ALCAM: variants seen among roughly 807,000 people sequenced by gnomAD.
ALCAM encodes activated leukocyte cell adhesion molecule.
ALCAM carries 30 observed loss-of-function variants against 70.9 expected under a neutral mutation model. That is an observed-to-expected ratio of 0.42 (90% CI 0.32 to 0.57). The LOEUF (loss-of-function observed/expected upper bound fraction) is 0.57, where lower values mean the gene tolerates loss of function less well. ALCAM is among the 20% of genes least tolerant of loss of function. The pLI is 0.11. For missense variants in ALCAM, 591 were observed against 695.1 expected (o/e 0.85, Z 1.68); for synonymous variants, 249 against 242.5 (o/e 1.03, Z -0.25).
intron 15 of ALCAM, among the ~76,000 whole-genome samples, chr3:105,572,244 C>T (rs1421616556): frequency 1.3e-5 from 2 of 152,156 alleles, no homozygotes; most frequent in African/African-American, 2.4e-5. Context: ...GCCCCCCACC[C>T]CCTGACAGGC....
At chr3:105,536,783 A>G (rs1321435144) in intron 6 of ALCAM, among the ~76,000 whole-genome samples, 1 of 152,162 alleles carries the variant, frequency 6.6e-6, no homozygotes, top group African/African-American at 2.4e-5. Flanking sequence ...TGTAAGGGTA[A>G]AAGTCTTAGG....
intron 14 of ALCAM, among the ~76,000 whole-genome samples, chr3:105,555,059 G>A (rs1037950774): frequency 2.0e-5 from 3 of 151,964 alleles, no homozygotes; most frequent in Non-Finnish European, 4.4e-5. Flanking sequence ...ATAAATTTGT[G>A]TGTGTGTATG....
intron 1 of ALCAM, among the ~76,000 whole-genome samples, chr3:105,410,538 A>G (rs1936361090): frequency 6.6e-6 from 1 of 152,036 alleles, no homozygotes; most frequent in Non-Finnish European, 1.5e-5. Flanking sequence ...ATGAACCACC[A>G]TGTAATACCA....
At chr3:105,454,525 C>T (rs1937507127) in intron 1 of ALCAM, among the ~76,000 whole-genome samples, 1 of 151,984 alleles carries the variant, frequency 6.6e-6, no homozygotes, top group Admixed American at 6.6e-5. Flanking sequence ...GGAAGTTGAC[C>T]CTGAGTCGGT....
intron 1 of ALCAM, among the ~76,000 whole-genome samples, chr3:105,448,549 G>T (rs1937349439): frequency 6.6e-6 from 1 of 152,076 alleles, no homozygotes; most frequent in South Asian, 2.1e-4. Flanking sequence ...TTTTCCACAT[G>T]ACATCTGTGG....
At chr3:105,505,945 ACTTTAT>A (rs1462682794) in intron 1 of ALCAM, among the ~76,000 whole-genome samples, 1 of 152,140 alleles carries the variant, frequency 6.6e-6, no homozygotes, top group Non-Finnish European at 1.5e-5. Flanking sequence ...AATTTCCATA[ACTTTAT>A]CTTTCTGAAG....
chr3:105,384,636 T>A (rs1043213094), intron 1 of ALCAM, among the ~76,000 whole-genome samples: 2 of 151,540 alleles, frequency 1.3e-5, no homozygotes, highest in African/African-American at 4.8e-5. Context: ...AAAATACTTG[T>A]CCAGATAAAC....
At chr3:105,527,406 G>C (rs986775535) in intron 3 of ALCAM, among the ~76,000 whole-genome samples, 11 of 152,042 alleles carry the variant, frequency 7.2e-5, no homozygotes, top group Admixed American at 2.6e-4. Context: ...TCACCAGTCT[G>C]GGGCTAAGAT....
At chr3:105,442,965 GACTACAGGTC>G (rs1937209962) in intron 1 of ALCAM, among the ~76,000 whole-genome samples, 1 of 152,200 alleles carries the variant, frequency 6.6e-6, no homozygotes, top group Admixed American at 6.5e-5. Context: ...GAGTAGCTTG[GACTACAGGTC>G]ACCATGCCTG....
At chr3:105,390,809 G>T (rs566710937) in intron 1 of ALCAM, among the ~76,000 whole-genome samples, 1 of 151,776 alleles carries the variant, frequency 6.6e-6, no homozygotes, top group Non-Finnish European at 1.5e-5. Context: ...AATTTTCTGC[G>T]TATGGCTAGC....
In ALCAM at chr3:105,570,697, G is replaced by T. The variant is rs558373530; in HGVS notation, c.1665-1155G>T. On this transcript the variant is annotated intron_variant, in intron 14 of 15. Transcript: ENST00000306107. ...ACCCTATGACATCCTATAGACCAAT[G>T]AGAATGAACAATCTATAATCATATG... Among the ~76,000 whole-genome samples the T allele has an allele frequency of 1.2e-4, 18 of 152,254 alleles. No homozygotes were observed. In the South Asian group the frequency reaches 3.7e-3, roughly 32 times the overall value.
chr3:105,505,621 G>A (rs1939052608), intron 1 of ALCAM, among the ~76,000 whole-genome samples: 1 of 152,040 alleles, frequency 6.6e-6, no homozygotes. Flanking sequence ...GAATTAATAC[G>A]AATCAGAGCC....
At chr3:105,571,821 A>G (rs1940866322) in intron 14 of ALCAM, 31 bp from the exon 15 acceptor site, 2 of 1,447,820 alleles carry the variant, frequency 1.4e-6, no homozygotes, top group Non-Finnish European at 1.9e-6. Flanking sequence ...GTATGTGTCA[A>G]TATGATGAAG....
intron 1 of ALCAM, among the ~76,000 whole-genome samples, chr3:105,491,096 G>A (rs1938573034): frequency 6.6e-6 from 1 of 152,192 alleles, no homozygotes; most frequent in Non-Finnish European, 1.5e-5. Context: ...TGACTTCTGT[G>A]CACCTGCAGG....
chr3:105,511,207 G>T (rs1219070508), intron 1 of ALCAM, among the ~76,000 whole-genome samples: 1 of 151,938 alleles, frequency 6.6e-6, no homozygotes, highest in South Asian at 2.1e-4. Context: ...TTACCCCACT[G>T]GGCTACCATT....
At chr3:105,400,857 C>T (rs1936071027) in intron 1 of ALCAM, among the ~76,000 whole-genome samples, 1 of 152,142 alleles carries the variant, frequency 6.6e-6, no homozygotes, top group Admixed American at 6.5e-5. Flanking sequence ...TTACATCAGT[C>T]TTTGGATACT....
At chr3:105,388,556 G>A (rs1419056422) in intron 1 of ALCAM, among the ~76,000 whole-genome samples, 2 of 151,538 alleles carry the variant, frequency 1.3e-5, no homozygotes, top group Non-Finnish European at 3.0e-5. Flanking sequence ...GATAAATTTA[G>A]TAATAAATGC....
At chr3:105,401,757 A>T (rs1246547451) in intron 1 of ALCAM, among the ~76,000 whole-genome samples, 1 of 152,136 alleles carries the variant, frequency 6.6e-6, no homozygotes, top group African/African-American at 2.4e-5. Flanking sequence ...ATTATTAAGG[A>T]ATGTCCATGT....
chr3:105,563,970 A>C (rs1940689057), intron 14 of ALCAM, among the ~76,000 whole-genome samples: 1 of 150,998 alleles, frequency 6.6e-6, no homozygotes, highest in Non-Finnish European at 1.5e-5. Flanking sequence ...TACAGGCGTG[A>C]GCCACCGCGC....
Sources: allele counts gnomAD v4.1 joint callset (sites outside exome capture counted in the v4.1 genomes callset), GRCh38; gene constraint gnomAD v4.1.1; transcripts MANE v1.5; gene names NCBI Gene and HGNC (gene_info 2026-07-23, HGNC 2026-07-21).